The following SPAG16 variants were observed in gnomAD, a reference collection of about 807,000 sequenced individuals.
SPAG16 encodes the protein sperm associated antigen 16.
SPAG16 carries 86 observed loss-of-function variants against 80.4 expected under a neutral mutation model. The ratio of observed to expected loss-of-function variants is 1.07; its 90% CI spans 0.90 to 1.28. SPAG16 has a LOEUF of 1.28. Ranked by LOEUF, SPAG16 falls within the 50% of genes most tolerant of loss-of-function variation. The probability of loss-of-function intolerance (pLI) is 0.00; values close to 1 mark genes in which losing one functional copy is unlikely to be tolerated. For missense variants in SPAG16, 870 were observed against 765.3 expected (o/e 1.14, Z -1.61); for synonymous variants, 294 against 265.9 (o/e 1.11, Z -1.03).
At chr2:213,935,293 C>T (rs564341897) in intron 12 of SPAG16, among the ~76,000 whole-genome samples, 11 of 151,622 alleles carry the variant, frequency 7.3e-5, no homozygotes, top group African/African-American at 1.5e-4. Flanking sequence ...GCCTAGTCTA[C>T]TATAGGCACC....
chr2:213,731,778 A>G (rs541371727), intron 10 of SPAG16, among the ~76,000 whole-genome samples: 15 of 152,318 alleles, frequency 9.8e-5, no homozygotes, highest in African/African-American at 3.1e-4. Context: ...ATGTCCCTGC[A>G]AAAGATATGA....
At chr2:213,398,411 CCT>C (rs930608961) in intron 9 of SPAG16, among the ~76,000 whole-genome samples, 3 of 152,234 alleles carry the variant, frequency 2.0e-5, no homozygotes, top group African/African-American at 4.8e-5. Context: ...ATCCCTTTTA[CCT>C]CTCTGACATT....
At chr2:213,785,048 G>T (rs1194127539) in intron 10 of SPAG16, among the ~76,000 whole-genome samples, 1 of 152,020 alleles carries the variant, frequency 6.6e-6, no homozygotes, top group African/African-American at 2.4e-5. Flanking sequence ...TTTATTATTA[G>T]AAAGGTCTAT....
intron 12 of SPAG16, among the ~76,000 whole-genome samples, chr2:213,982,535 CTA>C (rs1247355311): frequency 6.6e-6 from 1 of 151,340 alleles, no homozygotes; most frequent in Non-Finnish European, 1.5e-5. Flanking sequence ...ATAACAATGA[CTA>C]TTTGGAAATA....
chr2:214,400,423 A>G (rs533140537), intron 15 of SPAG16, among the ~76,000 whole-genome samples: 1 of 152,144 alleles, frequency 6.6e-6, no homozygotes, highest in Admixed American at 6.5e-5. Context: ...AAATATAACA[A>G]CTATTTATGT....
chr2:214,220,397 T>C (rs2058537015), intron 15 of SPAG16, among the ~76,000 whole-genome samples: 1 of 152,150 alleles, frequency 6.6e-6, no homozygotes, highest in Admixed American at 6.6e-5. Flanking sequence ...TACTGTCTGC[T>C]TACGACACGG....
intron 15 of SPAG16, among the ~76,000 whole-genome samples, chr2:214,366,940 C>A (rs943386864): frequency 7.9e-5 from 12 of 152,058 alleles, no homozygotes; most frequent in Admixed American, 7.2e-4. Context: ...CTTTTCAGAT[C>A]GAAGCCTTAA....
At chr2:214,049,787 G>A (rs2049541619) in intron 13 of SPAG16, among the ~76,000 whole-genome samples, 1 of 152,078 alleles carries the variant, frequency 6.6e-6, no homozygotes, top group African/African-American at 2.4e-5. Flanking sequence ...GCAGCACTAG[G>A]CCAACCTGAA....
chr2:213,827,201 C>T (rs2073355784), intron 10 of SPAG16, among the ~76,000 whole-genome samples: 1 of 151,698 alleles, frequency 6.6e-6, no homozygotes, highest in Non-Finnish European at 1.5e-5. Context: ...TTATTAATGA[C>T]CTACTCTGGC....
chr2:214,159,608 G>C (rs1387958132), intron 15 of SPAG16, among the ~76,000 whole-genome samples: 2 of 151,822 alleles, frequency 1.3e-5, no homozygotes, highest in East Asian at 3.9e-4. Flanking sequence ...ATCTAAAATT[G>C]AATTTCAAAC....
chr2:213,353,579 G>T (rs2065456101), intron 7 of SPAG16, among the ~76,000 whole-genome samples: 1 of 152,178 alleles, frequency 6.6e-6, no homozygotes, highest in South Asian at 2.1e-4. Context: ...TATCCCTAGA[G>T]TATCTGGCTT....
chr2:213,493,983 A>G (rs2074376190), intron 10 of SPAG16, among the ~76,000 whole-genome samples: 1 of 152,142 alleles, frequency 6.6e-6, no homozygotes, highest in East Asian at 1.9e-4. Flanking sequence ...GCCGGTCATT[A>G]GCCACTCCCC....
chr2:213,934,795 GA>G (rs2106264535), intron 12 of SPAG16, among the ~76,000 whole-genome samples: 1 of 152,242 alleles, frequency 6.6e-6, no homozygotes, highest in East Asian at 1.9e-4. Flanking sequence ...AATAATCTTA[GA>G]AGCCTATTAT....
At chr2:213,874,340 A>C (rs1262613025) in intron 11 of SPAG16, among the ~76,000 whole-genome samples, 1 of 152,164 alleles carries the variant, frequency 6.6e-6, no homozygotes, top group Non-Finnish European at 1.5e-5. Flanking sequence ...TTTTGTTAAC[A>C]GTTTGAAACA....
intron 15 of SPAG16, among the ~76,000 whole-genome samples, chr2:214,158,942 A>G (rs934676400): frequency 6.6e-6 from 1 of 151,998 alleles, no homozygotes; most frequent in Non-Finnish European, 1.5e-5. Context: ...GTGAAGATAT[A>G]TGTATATAAA....
At chr2:214,326,048 T>C (rs1416354379) in intron 15 of SPAG16, among the ~76,000 whole-genome samples, 1 of 152,182 alleles carries the variant, frequency 6.6e-6, no homozygotes, top group Non-Finnish European at 1.5e-5. Flanking sequence ...CAATGTCATT[T>C]TATCTGTATA....
chr2:213,448,036 A>G lies in SPAG16; in HGVS notation c.943-41927A>G, dbSNP rs144911792. ...CCACTGCCGGAGTGGCATTACACCAATCTGTTCAAATGGCTTATTTTGTTA... is the reference window on the plus strand; with the variant it reads ...CCACTGCCGGAGTGGCATTACACCAGTCTGTTCAAATGGCTTATTTTGTTA... On this transcript the variant is annotated intron_variant, in intron 9 of 15. Transcript: ENST00000331683. 4.5e-3 allele frequency among the ~76,000 whole-genome samples: 679 copies of G among 152,328 alleles called. 4 individuals are homozygous for G. Among genetic ancestry groups the G allele is most frequent in the African/African-American group, 0.015 (621 of 41,578 alleles).
chr2:213,732,207 T>A (rs2067079659), intron 10 of SPAG16, among the ~76,000 whole-genome samples: 1 of 152,162 alleles, frequency 6.6e-6, no homozygotes, highest in Admixed American at 6.5e-5. Flanking sequence ...TCAGACTTGT[T>A]AAAGATCAGA....
intron 9 of SPAG16, among the ~76,000 whole-genome samples, chr2:213,477,678 G>T (rs1294884577): frequency 6.6e-6 from 1 of 152,174 alleles, no homozygotes; most frequent in Non-Finnish European, 1.5e-5. Context: ...ATTGTACCTA[G>T]GAAATAACTA....
Sources: allele counts gnomAD v4.1 joint callset (sites outside exome capture counted in the v4.1 genomes callset), GRCh38; gene constraint gnomAD v4.1.1; transcripts MANE v1.5; gene names NCBI Gene and HGNC (gene_info 2026-07-23, HGNC 2026-07-21).